Variants in ZNF536 observed in about 807,000 individuals in gnomAD.
ZNF536 encodes the protein zinc finger protein 536.
In ZNF536, 13 loss-of-function variants were observed where a neutral mutation model predicts 84.5. The observed-to-expected ratio is 0.15, with a 90% CI of 0.10 to 0.24. The LOEUF is 0.24. Ranked by LOEUF, ZNF536 falls within the 10% of genes least tolerant of loss-of-function variation. The pLI is 1.00. For synonymous variants in ZNF536, 811 were observed against 742.5 expected (o/e 1.09, Z -1.50); for missense variants, 1,536 against 1,747.5 (o/e 0.88, Z 2.16).
intron 2 of ZNF536, among the ~76,000 whole-genome samples, chr19:30,334,736 G>A (rs548703564): frequency 5.9e-5 from 9 of 152,296 alleles, no homozygotes; most frequent in African/African-American, 2.2e-4. Flanking sequence ...CTTTACAGCA[G>A]TTTCCAACCA....
At chr19:30,253,927 C>CT (rs34368432) in intron 1 of ZNF536, among the ~76,000 whole-genome samples, 5 of 151,646 alleles carry the variant, frequency 3.3e-5, no homozygotes, top group Admixed American at 1.3e-4. Flanking sequence ...TTCATTTCTA[C>CT]TTTTTTTTTC....
At chr19:30,369,230 A>G (rs1199042316), upstream of ZNF536, among the ~76,000 whole-genome samples, 2 of 152,244 alleles carry the variant, frequency 1.3e-5, no homozygotes, top group South Asian at 2.1e-4. Context: ...CTTCAAGAGC[A>G]CAAGGTTAAA....
chr19:30,659,249 G>A (rs755343725), intron 1 of ZNF536, among the ~76,000 whole-genome samples: 9 of 152,122 alleles, frequency 5.9e-5, no homozygotes, highest in Non-Finnish European at 1.2e-4. Context: ...AGTCATGGTG[G>A]AAGGTGAAGG....
intron 2 of ZNF536, among the ~76,000 whole-genome samples, chr19:30,310,203 C>T (rs906380309): frequency 1.3e-5 from 2 of 152,154 alleles, no homozygotes; most frequent in Non-Finnish European, 2.9e-5. Context: ...ACGCCAGCCC[C>T]GCGTTATAAA....
intron 1 of ZNF536, among the ~76,000 whole-genome samples, chr19:30,693,261 C>T (rs1286721377): frequency 6.6e-6 from 1 of 152,190 alleles, no homozygotes; most frequent in Non-Finnish European, 1.5e-5. Context: ...CTTATCCCTG[C>T]TGAAGGAAGG....
chr19:30,434,493 G>A (rs1223223159), intron 1 of ZNF536, among the ~76,000 whole-genome samples: 1 of 152,154 alleles, frequency 6.6e-6, no homozygotes, highest in African/African-American at 2.4e-5. Flanking sequence ...AAGAATAAAT[G>A]TGTTGCAAAA....
At chr19:30,290,392 C>A (rs1427305065) in intron 2 of ZNF536, among the ~76,000 whole-genome samples, 8 of 152,148 alleles carry the variant, frequency 5.3e-5, no homozygotes, top group African/African-American at 2.4e-5. Flanking sequence ...ATTTTCCTGC[C>A]TCAGCCTTCT....
chr19:30,679,712 G>A (rs764752811), intron 1 of ZNF536, among the ~76,000 whole-genome samples: 1 of 152,202 alleles, frequency 6.6e-6, no homozygotes, highest in Admixed American at 6.5e-5. Context: ...GACTTGCTTG[G>A]CTGGGTCCCC....
chr19:30,616,197 C>T (rs1337317391), intron 1 of ZNF536, among the ~76,000 whole-genome samples: 7 of 152,116 alleles, frequency 4.6e-5, no homozygotes, highest in Non-Finnish European at 1.0e-4. Flanking sequence ...ATTGCAATGA[C>T]TAATATATTT....
intron 1 of ZNF536, among the ~76,000 whole-genome samples, chr19:30,644,563 G>C (rs1156713958): frequency 1.3e-5 from 2 of 151,980 alleles, no homozygotes; most frequent in African/African-American, 4.8e-5. Context: ...TCCCCTTCCT[G>C]TGTCCATGTG....
chr19:30,664,535 C>A (rs2050248051), intron 1 of ZNF536, among the ~76,000 whole-genome samples: 1 of 152,088 alleles, frequency 6.6e-6, no homozygotes, highest in Non-Finnish European at 1.5e-5. Flanking sequence ...TGATCACAGG[C>A]CAGTTGCTTA....
chr19:30,418,481 G>GT (rs1375968355), intron 1 of ZNF536, among the ~76,000 whole-genome samples: 1 of 152,136 alleles, frequency 6.6e-6, no homozygotes, highest in Non-Finnish European at 1.5e-5. Context: ...GACTTCTAGG[G>GT]TTTTTTGTAA....
intron 2 of ZNF536, among the ~76,000 whole-genome samples, chr19:30,473,463 T>C (rs2053723153): frequency 6.6e-6 from 1 of 152,180 alleles, no homozygotes; most frequent in African/African-American, 2.4e-5. Flanking sequence ...GGAAGCTTTC[T>C]TGAGCCTTAG....
At chr19:30,377,615 G>T (rs568030389) in intron 1 of ZNF536, among the ~76,000 whole-genome samples, 1 of 152,142 alleles carries the variant, frequency 6.6e-6, no homozygotes, top group Admixed American at 6.5e-5. Context: ...AAGATCATGG[G>T]GAGATGTGCT....
chr19:30,651,469 CA>C (rs2049703796), intron 1 of ZNF536, among the ~76,000 whole-genome samples: 1 of 152,158 alleles, frequency 6.6e-6, no homozygotes, highest in South Asian at 2.1e-4. Context: ...TTTTTCAGAA[CA>C]AAATATAATG....
rs746961702 is a variant in ZNF536 at position 30,445,229 on chromosome 19, G to A, written c.1667G>A (p.Gly556Glu). 1 of 1,614,178 alleles carries A rather than the reference G, an allele frequency of 6.2e-7. No individual in the cohort carries two copies. The highest frequency in any genetic ancestry group is 8.5e-7 in the Non-Finnish European group (1 of 1,180,050). ...CACGAAGACACTTTGGCAAACGCCG[G>A]GGTTCTGTTTGATAAGGAGAAGCGG... ...RNHEDTLANAGVLFDKEKREY... is the reference protein window; with the variant it reads ...RNHEDTLANAEVLFDKEKREY... Residue 556 changes from glycine to glutamate, a missense_variant, in exon 2 of 5, where the codon GGG becomes GAG. This residue lies in a region of ZNF536 where 366 missense variants were observed against 364.4 expected (regional missense o/e 1.00). Transcript: ENST00000355537. This position sits in a 1 kb window ranked among gnomAD's most constrained non-coding sequence, Gnocchi z 4.5.
chr19:30,413,739 C>A (rs905026433), intron 1 of ZNF536, among the ~76,000 whole-genome samples: 1 of 152,074 alleles, frequency 6.6e-6, no homozygotes, highest in African/African-American at 2.4e-5. Context: ...CATAGAAGTT[C>A]ATCACTATGA....
At chr19:30,333,062 G>A (rs1357650718) in intron 2 of ZNF536, among the ~76,000 whole-genome samples, 1 of 152,114 alleles carries the variant, frequency 6.6e-6, no homozygotes, top group Non-Finnish European at 1.5e-5. Flanking sequence ...AAATCCTAGG[G>A]CAGCGTCCCA....
In ZNF536 at chr19:30,444,211, C is replaced by T. The variant is rs1213068176; in HGVS notation, c.649C>T (p.Leu217=). ...GCGGGACAAGCAGCTGAAAGGCAGC[C>T]TGCTGCAGCCCCGGCCGGACCTGAA... The part of the protein sequence containing the change: ...ILRDKQLKGS[L]LQPRPDLKPP... The change falls in exon 2 of 5, where the codon CTG becomes TTG. Residue 217 remains leucine, a synonymous_variant. Transcript: ENST00000355537. The T allele has an allele frequency of 1.3e-6, 2 of 1,549,048 alleles. No homozygotes were observed. Among genetic ancestry groups the T allele is most frequent in the Non-Finnish European group, 1.7e-6 (2 of 1,152,122 alleles).
Sources: allele counts gnomAD v4.1 joint callset (sites outside exome capture counted in the v4.1 genomes callset), GRCh38; gene constraint gnomAD v4.1.1; regional missense constraint gnomAD v4.1.1; non-coding constraint Gnocchi (gnomAD v3.1); transcripts MANE v1.5; gene names NCBI Gene and HGNC (gene_info 2026-07-23, HGNC 2026-07-21).